The following CARMIL1 variants were observed in gnomAD, a reference collection of about 807,000 sequenced individuals.
CARMIL1 encodes the protein F-actin-uncapping protein LRRC16A.
CARMIL1 carries 90 observed loss-of-function variants against 177.1 expected under a neutral mutation model. The observed-to-expected ratio is 0.51, with a 90% CI of 0.43 to 0.61. The LOEUF is 0.61. Ranked by LOEUF, CARMIL1 falls within the 20% of genes least tolerant of loss-of-function variation. CARMIL1 has a pLI of 0.00. For synonymous variants in CARMIL1, 577 were observed against 606.2 expected, an observed-to-expected ratio of 0.95 and a Z score of 0.71; for missense variants, 1,380 against 1,667.0, an observed-to-expected ratio of 0.83 and a Z score of 3.00.
chr6:25,454,789 A>C (rs1432092627), intron 8 of CARMIL1, among the ~76,000 whole-genome samples: 5 of 152,120 alleles, frequency 3.3e-5, no homozygotes, highest in Admixed American at 2.0e-4. Flanking sequence ...GATTATTTCG[A>C]TGTAGTAGAA....
At chr6:25,449,311 G>A (rs1385497266) in intron 5 of CARMIL1, among the ~76,000 whole-genome samples, 3 of 152,176 alleles carry the variant, frequency 2.0e-5, no homozygotes, top group African/African-American at 7.2e-5. Context: ...TGGGATGGTT[G>A]GCTGTACTTT....
intron 11 of CARMIL1, among the ~76,000 whole-genome samples, chr6:25,481,305 A>G (rs988230931): frequency 6.6e-6 from 1 of 152,190 alleles, no homozygotes; most frequent in African/African-American, 2.4e-5. Context: ...CCACTGTTCT[A>G]GGGGAAAAGC....
chr6:25,300,465 G>A (rs1782767360), intron 2 of CARMIL1, among the ~76,000 whole-genome samples: 1 of 152,178 alleles, frequency 6.6e-6, no homozygotes, highest in African/African-American at 2.4e-5. Context: ...CCAGGAGTTC[G>A]AGACCAGCCT....
chr6:25,363,280 G>A (rs182203315), intron 2 of CARMIL1, among the ~76,000 whole-genome samples: 14 of 152,274 alleles, frequency 9.2e-5, no homozygotes, highest in African/African-American at 2.2e-4. Flanking sequence ...GATGGTATAT[G>A]CAGCATTTCC....
At chr6:25,491,361 T>C (rs1803219102) in intron 13 of CARMIL1, among the ~76,000 whole-genome samples, 1 of 152,188 alleles carries the variant, frequency 6.6e-6, no homozygotes, top group South Asian at 2.1e-4. Flanking sequence ...CAAAAGTGAT[T>C]AGCATTTTGA....
chr6:25,453,999 G>A (rs566241053), intron 8 of CARMIL1, among the ~76,000 whole-genome samples: 20 of 152,262 alleles, frequency 1.3e-4, no homozygotes, highest in African/African-American at 3.6e-4. Context: ...AACCCACCAC[G>A]TTTAATTAAC....
chr6:25,443,226 A>G (rs114232643), intron 5 of CARMIL1, among the ~76,000 whole-genome samples: 269 of 152,342 alleles, frequency 1.8e-3, no homozygotes, highest in African/African-American at 6.3e-3. Context: ...GTTTCTTTGC[A>G]TAATATCTGC....
chr6:25,467,425 CTG>C (rs1378362603), intron 9 of CARMIL1, among the ~76,000 whole-genome samples: 6 of 152,342 alleles, frequency 3.9e-5, no homozygotes, highest in African/African-American at 1.4e-4. Flanking sequence ...GTCAGTTTTT[CTG>C]GCTCATTCAA....
intron 2 of CARMIL1, among the ~76,000 whole-genome samples, chr6:25,388,413 C>T (rs547905869): frequency 6.6e-6 from 1 of 152,288 alleles, no homozygotes; most frequent in South Asian, 2.1e-4. Flanking sequence ...GTCGCCCAGG[C>T]TGGAGTGCAG....
intron 36 of CARMIL1, among the ~76,000 whole-genome samples, chr6:25,611,845 A>C (rs1562342079): frequency 6.6e-6 from 1 of 152,214 alleles, no homozygotes. Context: ...TGGTTAGCAA[A>C]GTCGGGGAGA....
At chr6:25,412,124 T>G (rs1182307321) in intron 2 of CARMIL1, among the ~76,000 whole-genome samples, 6 of 152,208 alleles carry the variant, frequency 3.9e-5, no homozygotes, top group Non-Finnish European at 7.4e-5. Flanking sequence ...TTACTACTAT[T>G]ATAGACCTAA....
intron 29 of CARMIL1, among the ~76,000 whole-genome samples, chr6:25,560,285 C>T (rs1051601437): frequency 1.3e-5 from 2 of 151,888 alleles, no homozygotes; most frequent in Non-Finnish European, 2.9e-5. Flanking sequence ...TTTCTTTTAA[C>T]GAGAAGAAAC....
In CARMIL1 at chr6:25,279,655, T is replaced by C. The variant is rs533881744; in HGVS notation, c.-141T>C. The C allele has an allele frequency of 1.6e-5, 12 of 749,716 alleles. No homozygotes were observed. Among genetic ancestry groups the C allele is most frequent in the East Asian group, 2.5e-5 (1 of 39,438 alleles). The allele number at this position is 749,716 out of a possible 1,614,324, so 46.4% of individuals were successfully genotyped here. On this transcript the variant is annotated 5_prime_UTR_variant, in exon 1 of 37. Coordinates refer to ENST00000329474, the MANE Select transcript of CARMIL1 (RefSeq NM_017640.6). ...GGGCGGGGGGCGCGCGGCAAAATTC[T>C]GTCTCCGCCCCCCCTTTTCTTGCCC...
intron 2 of CARMIL1, among the ~76,000 whole-genome samples, chr6:25,330,748 C>T (rs190756214): frequency 1.3e-5 from 2 of 151,742 alleles, no homozygotes; most frequent in Non-Finnish European, 2.9e-5. Context: ...CCATGATTTA[C>T]CCCCTCATTA....
intron 5 of CARMIL1, 84 bp from the exon 6 acceptor site, chr6:25,449,814 G>A: frequency 1.3e-6 from 1 of 756,600 alleles, no homozygotes; most frequent in Non-Finnish European, 2.1e-6. Flanking sequence ...CTTTGTTGAA[G>A]AAAAAGGAAT....
intron 2 of CARMIL1, among the ~76,000 whole-genome samples, chr6:25,402,614 G>T (rs1448705032): frequency 1.3e-5 from 2 of 152,090 alleles, no homozygotes; most frequent in Admixed American, 1.3e-4. Flanking sequence ...TTCTTCTAGA[G>T]CTGTATGGTC....
At chr6:25,331,449 C>A (rs1785618837) in intron 2 of CARMIL1, among the ~76,000 whole-genome samples, 1 of 152,202 alleles carries the variant, frequency 6.6e-6, no homozygotes, top group South Asian at 2.1e-4. Flanking sequence ...TCCAGGAAAC[C>A]TCAGTACCCT....
intron 36 of CARMIL1, among the ~76,000 whole-genome samples, chr6:25,611,196 C>T (rs1441416888): frequency 6.6e-6 from 1 of 152,126 alleles, no homozygotes; most frequent in Non-Finnish European, 1.5e-5. Flanking sequence ...CTCCATCCTA[C>T]AGATTTATTT....
chr6:25,612,760 A>G, intron 36 of CARMIL1: 1 of 985,428 alleles, frequency 1.0e-6, no homozygotes, highest in Non-Finnish European at 1.2e-6. Context: ...AGATTATTAC[A>G]AAAGACATTC....
Sources: allele counts gnomAD v4.1 joint callset (sites outside exome capture counted in the v4.1 genomes callset), GRCh38; gene constraint gnomAD v4.1.1; transcripts MANE v1.5; gene names NCBI Gene and HGNC (gene_info 2026-07-23, HGNC 2026-07-21).